Variants in SPOPL observed in about 807,000 individuals in gnomAD.
SPOPL encodes the protein speckle-type POZ protein-like.
Under a neutral mutation model 53.8 loss-of-function variants are expected in SPOPL, and 23 were observed. That is an observed-to-expected ratio of 0.43 (90% CI 0.31 to 0.61). The LOEUF (loss-of-function observed/expected upper bound fraction) is 0.61. SPOPL is among the 20% of genes least tolerant of loss of function. The probability of loss-of-function intolerance (pLI) is 0.12; values close to 1 mark genes in which losing one functional copy is unlikely to be tolerated. For missense variants in SPOPL, 442 were observed against 466.9 expected, an observed-to-expected ratio of 0.95 and a Z score of 0.49; for synonymous variants, 164 against 149.7, an observed-to-expected ratio of 1.10 and a Z score of -0.70.
At chr2:138,552,721 T>C (rs1343564980) in intron 5 of SPOPL, 40 bp downstream of exon 5, 1 of 1,589,384 alleles carries the variant, frequency 6.3e-7, no homozygotes, top group South Asian at 1.1e-5. Flanking sequence ...ATGGTTTATT[T>C]AGTGATATGG....
intron 4 of SPOPL, 148 bp downstream of exon 4, chr2:138,551,202 G>T (rs1224168038): frequency 2.4e-6 from 2 of 834,926 alleles, no homozygotes; most frequent in African/African-American, 3.5e-5. Flanking sequence ...TTTAAATCCA[G>T]CATAGAGCTA....
At chr2:138,535,732 TTCTG>T (rs1684917326) in intron 1 of SPOPL, among the ~76,000 whole-genome samples, 2 of 152,134 alleles carry the variant, frequency 1.3e-5, no homozygotes, top group African/African-American at 4.8e-5. Flanking sequence ...TTTCTGCTGC[TTCTG>T]TCTTTCTTCT....
chr2:138,507,883 T>C (rs1684248468), intron 1 of SPOPL, among the ~76,000 whole-genome samples: 1 of 152,268 alleles, frequency 6.6e-6, no homozygotes, highest in East Asian at 1.9e-4. Context: ...ATTATATGTA[T>C]TAAATCTATA....
intron 8 of SPOPL, among the ~76,000 whole-genome samples, chr2:138,563,863 C>T (rs1469143419): frequency 6.6e-6 from 1 of 152,034 alleles, no homozygotes; most frequent in African/African-American, 2.4e-5. Flanking sequence ...TGGTAACAAC[C>T]CAAATATTCA....
chr2:138,504,152 A>C (rs1684164707), intron 1 of SPOPL, among the ~76,000 whole-genome samples: 2 of 152,252 alleles, frequency 1.3e-5, no homozygotes, highest in South Asian at 4.1e-4. Context: ...ATGTAAAAAT[A>C]TGTACATATG....
chr2:138,520,687 G>A (rs775901796), intron 1 of SPOPL, among the ~76,000 whole-genome samples: 3 of 152,152 alleles, frequency 2.0e-5, no homozygotes, highest in Non-Finnish European at 4.4e-5. Context: ...GAATAAGAGA[G>A]AAAGAGAGTG....
intron 1 of SPOPL, among the ~76,000 whole-genome samples, chr2:138,545,216 A>G (rs1233386666): frequency 6.6e-6 from 1 of 152,144 alleles, no homozygotes. Flanking sequence ...AATAAGGTCC[A>G]TCTTGCTCTC....
At chr2:138,537,973 T>G (rs1285452482) in intron 1 of SPOPL, among the ~76,000 whole-genome samples, 1 of 152,204 alleles carries the variant, frequency 6.6e-6, no homozygotes, top group African/African-American at 2.4e-5. Flanking sequence ...GTTCACATTT[T>G]CGGTTTCCTC....
chr2:138,513,937 G>T (rs1684384000), intron 1 of SPOPL, among the ~76,000 whole-genome samples: 1 of 152,034 alleles, frequency 6.6e-6, no homozygotes, highest in Non-Finnish European at 1.5e-5. Flanking sequence ...CATCAAGGGG[G>T]CTCATTTATT....
intron 1 of SPOPL, among the ~76,000 whole-genome samples, chr2:138,531,887 C>G (rs1225480154): frequency 6.6e-6 from 1 of 152,036 alleles, no homozygotes; most frequent in Non-Finnish European, 1.5e-5. Context: ...TGTAAAGGCT[C>G]CAGATGATAA....
Position 138,564,999 on chromosome 2 carries a change from A to G in SPOPL, c.1034+6A>G, listed in dbSNP as rs1685630557. Reference sequence around the variant, plus strand: ...GGGAAAAACTGGAACAGCAAGTAAGATGACATCAGTTTCTGACTCAAAGTT... The same window carrying G: ...GGGAAAAACTGGAACAGCAAGTAAGGTGACATCAGTTTCTGACTCAAAGTT... On this transcript the variant is annotated splice_donor_region_variant and intron_variant, in intron 10 of 10. Coordinates refer to ENST00000280098, the MANE Select transcript of SPOPL (RefSeq NM_001001664.3). 3 of 1,613,904 alleles carry G rather than the reference A, an allele frequency of 1.9e-6. No homozygotes were observed. Among genetic ancestry groups the G allele is most frequent in the South Asian group, 1.1e-5 (1 of 91,068 alleles).
intron 3 of SPOPL, 82 bp from the exon 4 acceptor site, chr2:138,550,821 C>CTCTT (rs1553471045): frequency 8.3e-5 from 72 of 863,726 alleles, no homozygotes; most frequent in Admixed American, 2.0e-4. Context: ...TGTTCTCTCT[C>CTCTT]TCTCTTTCTC....
chr2:138,528,442 T>G (rs561513310), intron 1 of SPOPL, among the ~76,000 whole-genome samples: 8 of 152,348 alleles, frequency 5.3e-5, no homozygotes, highest in Admixed American at 1.3e-4. Flanking sequence ...AAATGTCTGA[T>G]GTACCAGTGT....
chr2:138,568,409 T>G (rs893391738), intron 10 of SPOPL, among the ~76,000 whole-genome samples: 2 of 152,144 alleles, frequency 1.3e-5, no homozygotes, highest in African/African-American at 4.8e-5. Flanking sequence ...CTGACAATCC[T>G]GAATTTATGG....
intron 1 of SPOPL, among the ~76,000 whole-genome samples, chr2:138,525,353 G>A (rs1426193777): frequency 6.6e-6 from 1 of 152,138 alleles, no homozygotes; most frequent in African/African-American, 2.4e-5. Flanking sequence ...TGGGAACTAT[G>A]GGAGCTACAA....
intron 4 of SPOPL, 126 bp downstream of exon 4, chr2:138,551,180 A>C: frequency 9.9e-7 from 1 of 1,011,830 alleles, no homozygotes; most frequent in South Asian, 1.7e-5. Flanking sequence ...GAAACTTTTA[A>C]TTTGACCATT....
At chr2:138,558,843 T>C (rs1417691465) in intron 5 of SPOPL, among the ~76,000 whole-genome samples, 179 bp from the exon 6 acceptor site, 1 of 152,176 alleles carries the variant, frequency 6.6e-6, no homozygotes, top group African/African-American at 2.4e-5. Context: ...TTTCTAATTT[T>C]TTCATTTCTC....
chr2:138,532,898 C>T (rs1009435912), intron 1 of SPOPL, among the ~76,000 whole-genome samples: 1 of 152,128 alleles, frequency 6.6e-6, no homozygotes, highest in East Asian at 1.9e-4. Context: ...TTCTATTTCT[C>T]AGCAGAATTT....
chr2:138,503,322 A>G (rs2104849514), intron 1 of SPOPL, among the ~76,000 whole-genome samples: 1 of 152,304 alleles, frequency 6.6e-6, no homozygotes, highest in African/African-American at 2.4e-5. Context: ...CAGCTGTAAA[A>G]TGGGGTTATG....
Sources: allele counts gnomAD v4.1 joint callset (sites outside exome capture counted in the v4.1 genomes callset), GRCh38; gene constraint gnomAD v4.1.1; transcripts MANE v1.5; gene names NCBI Gene and HGNC (gene_info 2026-07-23, HGNC 2026-07-21).